The following TIAM1 variants were observed in gnomAD, a reference collection of about 807,000 sequenced individuals.
TIAM1 encodes TIAM Rac1 associated GEF 1.
In TIAM1, 65 loss-of-function variants were observed where a neutral mutation model predicts 163.5. That is an observed-to-expected ratio of 0.40 (90% CI 0.33 to 0.49). The LOEUF is 0.49. TIAM1 is among the 20% of genes least tolerant of loss of function. The pLI, the probability that TIAM1 is intolerant of heterozygous loss-of-function variation, is 0.77. For synonymous variants in TIAM1, 833 were observed against 810.1 expected (o/e 1.03, Z -0.48); for missense variants, 1,789 against 2,044.7 (o/e 0.87, Z 2.41).
At chr21:31,460,712 CTT>C (rs1163094684) in intron 2 of TIAM1, among the ~76,000 whole-genome samples, 1 of 152,208 alleles carries the variant, frequency 6.6e-6, no homozygotes, top group East Asian at 1.9e-4. Context: ...TCCACCCAAA[CTT>C]AAGCTTCACA....
At chr21:31,152,890 G>C (rs1331842097) in intron 18 of TIAM1, 129 bp from the exon 19 acceptor site, 16 of 1,407,572 alleles carry the variant, frequency 1.1e-5, no homozygotes, top group Non-Finnish European at 1.5e-5. Flanking sequence ...CCAGAGAGCG[G>C]GGCAGTTTTT....
At chr21:31,519,302 T>C (rs1325527222) in intron 1 of TIAM1, among the ~76,000 whole-genome samples, 48 of 95,146 alleles carry the variant, frequency 5.0e-4, no homozygotes, top group African/African-American at 2.0e-3. Context: ...TGAAACTCTG[T>C]CTCAAAAAAA....
At chr21:31,228,248 A>ATCTGAT (rs1555897915) in intron 6 of TIAM1, among the ~76,000 whole-genome samples, 1 of 133,910 alleles carries the variant, frequency 7.5e-6, no homozygotes, top group African/African-American at 3.4e-5. Context: ...AAAAAAAAAA[A>ATCTGAT]AAAAAAAAAA....
intron 2 of TIAM1, among the ~76,000 whole-genome samples, chr21:31,386,765 A>G (rs141747609): frequency 0.011 from 1,614 of 152,308 alleles, 21 homozygotes; most frequent in Middle Eastern, 0.037. Context: ...TAACAGCCAG[A>G]GAGAGGTGAC....
chr21:31,144,371 C>T (rs531556888), intron 20 of TIAM1, among the ~76,000 whole-genome samples: 2 of 152,342 alleles, frequency 1.3e-5, no homozygotes, highest in South Asian at 4.1e-4. Context: ...TTTCACCCAT[C>T]GACTGAATTC....
intron 15 of TIAM1, among the ~76,000 whole-genome samples, chr21:31,172,877 T>A (rs2268221): frequency 0.34 from 51,839 of 150,766 alleles, 11,365 homozygotes; most frequent in African/African-American, 0.59. Context: ...TATTTGAAAG[T>A]AAGAAAAAAA....
At chr21:31,158,477 A>G (rs755695571) in intron 16 of TIAM1, among the ~76,000 whole-genome samples, 1 of 152,212 alleles carries the variant, frequency 6.6e-6, no homozygotes, top group Non-Finnish European at 1.5e-5. Context: ...CAAGGAACTG[A>G]GTCCAGATGG....
At chr21:31,473,429 CAAAAAAAAAAAA>C (rs56691495) in intron 1 of TIAM1, among the ~76,000 whole-genome samples, 6 of 75,682 alleles carry the variant, frequency 7.9e-5, no homozygotes, top group East Asian at 1.3e-3. Flanking sequence ...GACTCCATCT[CAAAAAAAAAAAA>C]AAAAAAAAAA....
chr21:31,210,145 T>C lies in TIAM1; in HGVS notation c.2288A>G (p.Tyr763Cys). The C allele has an allele frequency of 6.2e-7, 1 of 1,614,076 alleles. No homozygotes were observed. Among genetic ancestry groups the C allele is most frequent in the Non-Finnish European group, 8.5e-7 (1 of 1,180,022 alleles). ...CAGACAGAACCAGGATGGAGTGAAA[T>C]ACTCGTGGACCCAAATGTCGCAGTC... ...NPDCDIWVHE[Y>C]FTPSWFCLPN... The change falls in exon 11 of 28, where the codon TAT becomes TGT. Residue 763 changes from tyrosine to cysteine, a missense_variant. By Grantham distance (194) the Tyr-to-Cys change is radical. Around this residue, in one of 5 missense-constraint regions of TIAM1, gnomAD observed 456 missense variants for 586.6 expected, o/e 0.78. Transcript: ENST00000541036.
intron 1 of TIAM1, among the ~76,000 whole-genome samples, chr21:31,520,082 G>A (rs1248965874): frequency 1.3e-5 from 2 of 152,198 alleles, no homozygotes; most frequent in Non-Finnish European, 2.9e-5. Flanking sequence ...TTGAATCCCA[G>A]CACTCTGGGA....
chr21:31,310,683 G>A (rs1299789105), intron 2 of TIAM1, among the ~76,000 whole-genome samples: 1 of 152,124 alleles, frequency 6.6e-6, no homozygotes, highest in Non-Finnish European at 1.5e-5. Context: ...CTCCCTGATG[G>A]AAAACGCTAC....
At chr21:31,514,101 C>T (rs563205376) in intron 1 of TIAM1, among the ~76,000 whole-genome samples, 4 of 152,214 alleles carry the variant, frequency 2.6e-5, no homozygotes, top group African/African-American at 4.8e-5. Context: ...ATTTCAAAAG[C>T]GGCTCTGACC....
At chr21:31,439,679 T>A (rs2044350316) in intron 2 of TIAM1, among the ~76,000 whole-genome samples, 1 of 139,448 alleles carries the variant, frequency 7.2e-6, no homozygotes, top group Non-Finnish European at 1.7e-5. Context: ...TTAATATGTA[T>A]AAGCTTCCTA....
At chr21:31,219,539 G>A (rs1467916670) in intron 8 of TIAM1, among the ~76,000 whole-genome samples, 5 of 152,144 alleles carry the variant, frequency 3.3e-5, no homozygotes, top group Admixed American at 6.5e-5. Flanking sequence ...CGCCCCTCTG[G>A]GGCTTCAGTA....
chr21:31,517,349 A>G (rs2047419157), intron 1 of TIAM1, among the ~76,000 whole-genome samples: 2 of 152,198 alleles, frequency 1.3e-5, no homozygotes, highest in South Asian at 2.1e-4. Flanking sequence ...CCTGAGCAAC[A>G]TGACGAAACC....
At chr21:31,556,870 C>T (rs936548654) in intron 1 of TIAM1, among the ~76,000 whole-genome samples, 4 of 152,174 alleles carry the variant, frequency 2.6e-5, no homozygotes, top group Non-Finnish European at 4.4e-5. Context: ...AGCTTTTTAC[C>T]TTGAGATACA....
chr21:31,413,958 C>G (rs2833398), intron 2 of TIAM1, among the ~76,000 whole-genome samples: 36,697 of 152,082 alleles, frequency 0.24, 6,218 homozygotes, highest in African/African-American at 0.48. Flanking sequence ...GAGCAACCGT[C>G]GTGATGGGAG....
At chr21:31,189,251 C>T (rs889387936) in intron 13 of TIAM1, among the ~76,000 whole-genome samples, 8 of 151,348 alleles carry the variant, frequency 5.3e-5, no homozygotes, top group South Asian at 2.1e-4. Flanking sequence ...GATGGGGTTC[C>T]GTCATGCTGG....
chr21:31,173,232 T>C (rs879778329), intron 15 of TIAM1, among the ~76,000 whole-genome samples: 5 of 152,006 alleles, frequency 3.3e-5, no homozygotes, highest in Admixed American at 1.3e-4. Flanking sequence ...AATTCAAACA[T>C]TGACAAAGAG....
Sources: gnomAD v4.1 joint callset for allele counts (sites outside exome capture counted in the v4.1 genomes callset) on GRCh38, gnomAD v4.1.1 for gene constraint, gnomAD v4.1.1 regional missense constraint, MANE v1.5 for transcripts, NCBI Gene and HGNC (gene_info 2026-07-23, HGNC 2026-07-21) for gene names.